The following KIAA0319 variants were observed in gnomAD, a reference collection of about 807,000 sequenced individuals.
The protein encoded by KIAA0319 is dyslexia-associated protein KIAA0319.
A neutral mutation model predicts 108.4 loss-of-function variants in KIAA0319; 83 were observed. That is an observed-to-expected ratio of 0.77 (90% confidence interval 0.64 to 0.92). The LOEUF (loss-of-function observed/expected upper bound fraction) is 0.92, where lower values mean the gene tolerates loss of function less well. Among genes scored for constraint, KIAA0319 ranks in the 40% least tolerant of loss-of-function variants. KIAA0319 has a pLI of 0.00. For synonymous variants in KIAA0319, 484 were observed against 510.4 expected (o/e 0.95, Z 0.70); for missense variants, 1,195 against 1,322.4 (o/e 0.90, Z 1.49).
At chr6:24,553,435 C>A (rs752756777) in intron 19 of KIAA0319, among the ~76,000 whole-genome samples, 8 of 151,406 alleles carry the variant, frequency 5.3e-5, no homozygotes, top group Non-Finnish European at 1.2e-4. Context: ...CACTTTAGGC[C>A]TCAGAAAACA....
chr6:24,550,729 G>C (rs1417018605), intron 20 of KIAA0319, among the ~76,000 whole-genome samples: 1 of 152,156 alleles, frequency 6.6e-6, no homozygotes, highest in Non-Finnish European at 1.5e-5. Flanking sequence ...GAGCTGAGCT[G>C]TGGGAGTGTC....
rs1731874885 is a variant in KIAA0319, at chr6:24,583,666, A to G, written c.1031T>C (p.Ile344Thr). 16 of 1,613,688 alleles carry G rather than the reference A, an allele frequency of 9.9e-6. No homozygotes were observed. Among genetic ancestry groups the G allele is most frequent in the Non-Finnish European group, 1.4e-5 (16 of 1,179,806 alleles). The change falls in exon 5 of 21, where the codon ATT becomes ACT. Residue 344 changes from isoleucine to threonine, a missense_variant. Physicochemically the swap from Ile to Thr is moderately conservative, Grantham distance 89 (BLOSUM62 -1). Transcript: ENST00000378214. Reference protein sequence around the residue: ...ELTVSAGDNLIITLPDNEVEL... With the variant: ...ELTVSAGDNLTITLPDNEVEL... The stretch of plus-strand genomic sequence containing the variant: ...AACTTCATTGTCGGGTAAAGTTATA[A>G]TTAGGTTATCTCCAGCCGATACCGT...
intron 1 of KIAA0319, among the ~76,000 whole-genome samples, chr6:24,641,610 T>C (rs1302584391): frequency 2.0e-5 from 3 of 149,510 alleles, no homozygotes; most frequent in Non-Finnish European, 4.4e-5. Flanking sequence ...TATACTACAA[T>C]AAATTTTGAA....
chr6:24,574,110 G>GT (rs1169968853), intron 10 of KIAA0319, among the ~76,000 whole-genome samples: 1 of 151,594 alleles, frequency 6.6e-6, no homozygotes, highest in Non-Finnish European at 1.5e-5. Flanking sequence ...GTGAGACTCT[G>GT]TCTCAAAAAA....
At chr6:24,553,820 G>C (rs1274891876) in intron 19 of KIAA0319, among the ~76,000 whole-genome samples, 1 of 152,206 alleles carries the variant, frequency 6.6e-6, no homozygotes, top group Non-Finnish European at 1.5e-5. Context: ...ACATGTGGAG[G>C]TTCCTGGAGA....
intron 16 of KIAA0319, among the ~76,000 whole-genome samples, chr6:24,562,727 T>C (rs1763272827): frequency 6.6e-6 from 1 of 152,118 alleles, no homozygotes; most frequent in African/African-American, 2.4e-5. Flanking sequence ...TAGTCCCAGC[T>C]ACTCAGGTGG....
intron 10 of KIAA0319, among the ~76,000 whole-genome samples, chr6:24,574,759 G>A (rs1765223633): frequency 6.6e-6 from 1 of 152,020 alleles, no homozygotes; most frequent in South Asian, 2.1e-4. Flanking sequence ...TGCTACCAGG[G>A]GAACTTCTGA....
At chr6:24,573,992 G>A (rs1310617309) in intron 10 of KIAA0319, among the ~76,000 whole-genome samples, 1 of 152,040 alleles carries the variant, frequency 6.6e-6, no homozygotes, top group African/African-American at 2.4e-5. Context: ...GCAGGCACCT[G>A]TAATCCCAGC....
chr6:24,579,560 T>C (rs940427789), intron 8 of KIAA0319, among the ~76,000 whole-genome samples: 3 of 148,404 alleles, frequency 2.0e-5, no homozygotes, highest in Non-Finnish European at 4.5e-5. Context: ...CAAAGTGATT[T>C]TCCAACTGCT....
At chr6:24,615,774 C>G (rs1562074366) in intron 1 of KIAA0319, among the ~76,000 whole-genome samples, 2 of 152,148 alleles carry the variant, frequency 1.3e-5, no homozygotes, top group East Asian at 1.9e-4. Flanking sequence ...CTTGAGCTTT[C>G]CATTTCAAAC....
rs1760680535 is a variant in KIAA0319 at position 24,546,753 on chromosome 6, A to G, written c.*412T>C. 1 of 173,672 alleles carries G rather than the reference A, an allele frequency of 5.8e-6. No homozygotes were observed. The highest frequency in any genetic ancestry group is 1.2e-5 in the Non-Finnish European group (1 of 80,086). 10.8% of individuals were successfully genotyped at this position (173,672 alleles called of 1,614,324 possible). A position where few individuals can be genotyped will look rare whatever the true frequency, so the allele number is the denominator to read the frequency against. ...ACAGCCATCTGACTGCAGGTCCTAC[A>G]AGAGAAACCGTGTTTAGAATGCTGT... On this transcript the variant is annotated 3_prime_UTR_variant, in exon 21 of 21. Transcript: ENST00000378214.
intron 3 of KIAA0319, among the ~76,000 whole-genome samples, chr6:24,591,456 TA>T (rs1356395985): frequency 6.6e-6 from 1 of 151,516 alleles, no homozygotes; most frequent in Admixed American, 6.6e-5. Flanking sequence ...AAAATAAAAA[TA>T]AAAAAAATTA....
chr6:24,564,709 A>G (rs1162485253), intron 14 of KIAA0319, among the ~76,000 whole-genome samples: 2 of 152,236 alleles, frequency 1.3e-5, no homozygotes, highest in African/African-American at 4.8e-5. Context: ...ATAGCTTTAC[A>G]AAACTCTCAT....
chr6:24,625,909 A>T (rs978975531), intron 1 of KIAA0319, among the ~76,000 whole-genome samples: 1 of 152,244 alleles, frequency 6.6e-6, no homozygotes, highest in Non-Finnish European at 1.5e-5. Flanking sequence ...TCATCAAAAG[A>T]AGTAAAGACA....
At position 24,596,048 on chromosome 6, in the gene KIAA0319, G is replaced by A. The variant is rs146508644; in HGVS notation, c.626C>T (p.Thr209Met). The change falls in exon 3 of 21, where the codon ACG becomes ATG. Residue 209 changes from threonine to methionine, a missense_variant. Coordinates refer to ENST00000378214, the MANE Select transcript of KIAA0319 (RefSeq NM_014809.4). ...VGDSPAVPAE[T>M]QQDPELHYLN... ...GTAATGGAGCTCAGGGTCCTGCTGC[G>A]TCTCCGCTGGCACCGCAGGACTGTC... 123 of 1,614,040 alleles carry A rather than the reference G, an allele frequency of 7.6e-5. No homozygotes were observed. The highest frequency in any genetic ancestry group is 3.7e-4 in the South Asian group (34 of 91,072).
At chr6:24,577,286 G>A (rs572175445) in intron 9 of KIAA0319, among the ~76,000 whole-genome samples, 1 of 152,326 alleles carries the variant, frequency 6.6e-6, no homozygotes, top group South Asian at 2.1e-4. Context: ...AGCATGCAGA[G>A]ACAGCAAATC....
intron 1 of KIAA0319, among the ~76,000 whole-genome samples, chr6:24,628,300 A>G (rs1562098989): frequency 6.7e-6 from 1 of 150,028 alleles, no homozygotes; most frequent in Non-Finnish European, 1.5e-5. Context: ...CCGTTCAATA[A>G]TTTTTCTAAG....
rs1468411595 is a variant in KIAA0319 at position 24,596,401 on chromosome 6, C to G, written c.273G>C (p.Lys91Asn). The change falls in exon 3 of 21, where the codon AAG becomes AAC. Residue 91 changes from lysine to asparagine, a missense_variant. Coordinates refer to ENST00000378214, the MANE Select transcript of KIAA0319 (RefSeq NM_014809.4). ...GATAAGACCTGATGGGGCCCATCTTCTTGGGCTCACAGTTCTCTTTGTGGG... is the reference window on the plus strand; with the variant it reads ...GATAAGACCTGATGGGGCCCATCTTGTTGGGCTCACAGTTCTCTTTGTGGG... ...SCPHKENCEP[K>N]KMGPIRSYLT... The G allele has an allele frequency of 6.2e-7, 1 of 1,614,224 alleles. No homozygotes were observed. Among genetic ancestry groups the G allele is most frequent in the Non-Finnish European group, 8.5e-7 (1 of 1,180,038 alleles).
At chr6:24,540,180 A>G (rs1760152386), downstream of KIAA0319, among the ~76,000 whole-genome samples, 1 of 151,662 alleles carries the variant, frequency 6.6e-6, no homozygotes, top group Non-Finnish European at 1.5e-5. Flanking sequence ...ATAACAATGA[A>G]AAGTACAGTA....
Sources: gnomAD v4.1 joint callset for allele counts (sites outside exome capture counted in the v4.1 genomes callset) on GRCh38, gnomAD v4.1.1 for gene constraint, MANE v1.5 for transcripts, NCBI Gene and HGNC (gene_info 2026-07-23, HGNC 2026-07-21) for gene names.